Variants in MRTFB observed in about 807,000 individuals in gnomAD.
MRTFB encodes myocardin related transcription factor B, also known as myocardin-related transcription factor B.
A neutral mutation model predicts 104.2 loss-of-function variants in MRTFB; 29 were observed. The ratio of observed to expected loss-of-function variants is 0.28; its 90% CI spans 0.21 to 0.38. The LOEUF (loss-of-function observed/expected upper bound fraction) is 0.38, where lower values mean the gene tolerates loss of function less well. Ranked by LOEUF, MRTFB falls within the 10% of genes least tolerant of loss-of-function variation. The pLI, the probability that MRTFB is intolerant of heterozygous loss-of-function variation, is 1.00. For synonymous variants in MRTFB, 535 were observed against 519.5 expected, an observed-to-expected ratio of 1.03 and a Z score of -0.41; for missense variants, 1,270 against 1,341.6, an observed-to-expected ratio of 0.95 and a Z score of 0.83.
the MRTFB span, among the ~76,000 whole-genome samples, chr16:14,002,722 G>A: frequency 2.0e-5 from 3 of 152,146 alleles, no homozygotes; most frequent in Admixed American, 1.3e-4. Flanking sequence ...GCGGGTAAGA[G>A]AACACGAAAG....
At chr16:14,010,239 A>G in the MRTFB span, among the ~76,000 whole-genome samples, 1 of 152,192 alleles carries the variant, frequency 6.6e-6, no homozygotes, top group African/African-American at 2.4e-5. Context: ...CAGGCAGTTT[A>G]GCCTCAACAG....
chr16:14,105,676 G>C (rs760206102), intron 2 of MRTFB, among the ~76,000 whole-genome samples: 80 of 152,290 alleles, frequency 5.3e-4, no homozygotes, highest in Non-Finnish European at 1.0e-3. Context: ...TGGGATTACA[G>C]GTGTGAGCCA....
At chr16:14,066,290 T>C in the MRTFB span, among the ~76,000 whole-genome samples, 1 of 151,714 alleles carries the variant, frequency 6.6e-6, no homozygotes, top group Non-Finnish European at 1.5e-5. Flanking sequence ...TTATTATTTT[T>C]TGAGATGGAG....
chr16:14,026,572 T>A, the MRTFB span, among the ~76,000 whole-genome samples: 17 of 152,138 alleles, frequency 1.1e-4, no homozygotes, highest in Non-Finnish European at 4.4e-5. Flanking sequence ...ACTTAGAACT[T>A]TAGTTTTAAT....
Position 14,246,833 on chromosome 16 carries a change from A to G in MRTFB, c.1573A>G (p.Thr525Ala), listed in dbSNP as rs1284647100. ...LSTDDTNMAD[T>A]FTEIMTMMSP... is the part of the protein sequence containing the mutation. ...TACTGATGACACAAACATGGCAGAC[A>G]CTTTCACCGAGATTATGACCATGAT... The change falls in exon 12 of 17, where the codon ACT (threonine) becomes GCT (alanine). Residue 525 changes from threonine to alanine, a missense_variant. This residue lies in a region of MRTFB where 1,144 missense variants were observed against 1,131.5 expected (regional missense o/e 1.01). Coordinates refer to ENST00000571589, the MANE Select transcript of MRTFB (RefSeq NM_001308142.2). 9 of 1,612,350 alleles carry G rather than the reference A, an allele frequency of 5.6e-6. No homozygotes were observed. The Admixed American group carries it at 6.7e-5, about 12-fold the overall frequency.
intron 2 of MRTFB, among the ~76,000 whole-genome samples, chr16:14,128,979 C>T (rs577198187): frequency 1.2e-4 from 18 of 152,328 alleles, no homozygotes; most frequent in South Asian, 4.1e-4. Context: ...TTCTCTGTCC[C>T]GGTAGCTTTG....
At chr16:14,188,348 T>G (rs758307777) in intron 3 of MRTFB, among the ~76,000 whole-genome samples, 1 of 152,138 alleles carries the variant, frequency 6.6e-6, no homozygotes, top group Non-Finnish European at 1.5e-5. Context: ...AGTGTCAAGC[T>G]CCTAATAATA....
chr16:14,088,255 T>G (rs1034594680), intron 2 of MRTFB, among the ~76,000 whole-genome samples: 2 of 152,212 alleles, frequency 1.3e-5, no homozygotes, highest in African/African-American at 2.4e-5. Context: ...GTGCAATGTC[T>G]TTTGTGTGCA....
At chr16:14,002,601 C>G in the MRTFB span, among the ~76,000 whole-genome samples, 2 of 152,174 alleles carry the variant, frequency 1.3e-5, no homozygotes, top group Non-Finnish European at 2.9e-5. Flanking sequence ...GAGTCTGCCA[C>G]TCTAAATGTG....
At chr16:14,017,711 A>ATATTTT in the MRTFB span, among the ~76,000 whole-genome samples, 31 of 33,596 alleles carry the variant, frequency 9.2e-4, 5 homozygotes, top group African/African-American at 1.8e-3. Context: ...ATATATATAT[A>ATATTTT]TTTTTTTTTT....
intron 3 of MRTFB, among the ~76,000 whole-genome samples, chr16:14,185,204 A>G (rs1020034687): frequency 2.6e-5 from 4 of 152,190 alleles, no homozygotes. Context: ...ATTGCTTCAG[A>G]AGGAATTTCA....
the MRTFB span, among the ~76,000 whole-genome samples, chr16:14,056,329 T>A: frequency 6.6e-6 from 1 of 152,086 alleles, no homozygotes; most frequent in Non-Finnish European, 1.5e-5. Context: ...CTTTCCTCCT[T>A]TCCTTCCTTC....
intron 3 of MRTFB, among the ~76,000 whole-genome samples, chr16:14,166,090 G>T (rs1179629682): frequency 6.6e-6 from 1 of 152,140 alleles, no homozygotes; most frequent in African/African-American, 2.4e-5. Flanking sequence ...TTCCAAATGT[G>T]CATGTCAATC....
intron 2 of MRTFB, among the ~76,000 whole-genome samples, chr16:14,082,558 G>GA (rs1020435195): frequency 6.6e-6 from 1 of 152,132 alleles, no homozygotes; most frequent in African/African-American, 2.4e-5. Flanking sequence ...AAGGTGGGAG[G>GA]ATAGTTTGAA....
At chr16:14,180,942 A>G (rs2151009597) in intron 3 of MRTFB, among the ~76,000 whole-genome samples, 1 of 152,290 alleles carries the variant, frequency 6.6e-6, no homozygotes, top group Admixed American at 6.5e-5. Flanking sequence ...TGAAACATGG[A>G]TGATTTCCTT....
In MRTFB at chr16:14,159,929, CAAAAAAAAA is replaced by C. The variant is rs552159164; in HGVS notation, c.154+19184_154+19192del. 2.3e-4 allele frequency among the ~76,000 whole-genome samples: 13 copies of C among 55,634 alleles called. No individual in the cohort carries two copies. The East Asian group carries it at 4.9e-3, about 21-fold the overall frequency. 36.5% of individuals were successfully genotyped at this position (55,634 alleles called of 152,430 possible). A position where few individuals can be genotyped will look rare whatever the true frequency, so the allele number is the denominator to read the frequency against. ...TGGGCGACAGAGCGAGACTCCGTCT[CAAAAAAAAA>C]AAAAAAAAAAAAAAGAATCATTTAC... On this transcript the variant is annotated intron_variant, in intron 3 of 16. Coordinates refer to ENST00000571589, the MANE Select transcript of MRTFB (RefSeq NM_001308142.2).
intron 2 of MRTFB, among the ~76,000 whole-genome samples, chr16:14,103,249 C>G (rs755830439): frequency 2.0e-5 from 3 of 152,164 alleles, no homozygotes; most frequent in Non-Finnish European, 4.4e-5. Context: ...TTACTCATCT[C>G]CATATCCCAG....
intron 4 of MRTFB, 98 bp from the exon 5 acceptor site, chr16:14,212,256 T>C: frequency 1.8e-6 from 2 of 1,135,420 alleles, no homozygotes; most frequent in East Asian, 2.4e-5. Context: ...ACTGTAGTTG[T>C]GATCTGTTAA....
At chr16:14,137,948 C>G (rs1204498005) in intron 2 of MRTFB, among the ~76,000 whole-genome samples, 14 of 151,968 alleles carry the variant, frequency 9.2e-5, no homozygotes, top group Non-Finnish European at 1.5e-5. Flanking sequence ...TGTCCCATCT[C>G]TTTTTAGTTA....
Sources: gnomAD v4.1 joint callset for allele counts (sites outside exome capture counted in the v4.1 genomes callset) on GRCh38, gnomAD v4.1.1 for gene constraint, gnomAD v4.1.1 regional missense constraint, MANE v1.5 for transcripts, NCBI Gene and HGNC (gene_info 2026-07-23, HGNC 2026-07-21) for gene names.